GLI3: variants seen among roughly 807,000 people sequenced by gnomAD.
The protein encoded by GLI3 is transcription activator GLI3.
Under a neutral mutation model 100.8 loss-of-function variants are expected in GLI3, and 20 were observed. The ratio of observed to expected loss-of-function variants is 0.20; its 90% CI spans 0.14 to 0.29. The LOEUF is 0.29. Ranked by LOEUF, GLI3 falls within the 10% of genes least tolerant of loss-of-function variation. The probability of loss-of-function intolerance (pLI) is 1.00; values close to 1 mark genes in which losing one functional copy is unlikely to be tolerated. For missense variants in GLI3, 2,040 were observed against 2,128.5 expected, an observed-to-expected ratio of 0.96 and a Z score of 0.82; for synonymous variants, 938 against 860.5, an observed-to-expected ratio of 1.09 and a Z score of -1.58.
chr7:42,106,913 G>A (rs1196788485), intron 3 of GLI3, among the ~76,000 whole-genome samples: 2 of 152,106 alleles, frequency 1.3e-5, no homozygotes, highest in African/African-American at 4.8e-5. Context: ...TTGGAGGGGA[G>A]GGGGCGGTGG....
intron 3 of GLI3, among the ~76,000 whole-genome samples, chr7:42,104,694 T>C (rs931244835): frequency 6.6e-6 from 1 of 152,186 alleles, no homozygotes; most frequent in Non-Finnish European, 1.5e-5. Flanking sequence ...AATTCACATA[T>C]TGAACTCTAA....
chr7:42,254,328 G>T (rs1789064135), intron 1 of GLI3, among the ~76,000 whole-genome samples: 1 of 152,152 alleles, frequency 6.6e-6, no homozygotes, highest in South Asian at 2.1e-4. Context: ...TGGGCGGAAT[G>T]CAGGTGAAGG....
At chr7:41,992,187 C>T (rs1468503610) in intron 10 of GLI3, among the ~76,000 whole-genome samples, 1 of 152,114 alleles carries the variant, frequency 6.6e-6, no homozygotes, top group Non-Finnish European at 1.5e-5. Flanking sequence ...AAAGCTGTGA[C>T]CTTGAACTAC....
rs1785474024 is a variant in GLI3, at chr7:42,101,970, A to C, written c.368-25113T>G. 2.0e-5 allele frequency among the ~76,000 whole-genome samples: 3 copies of C among 151,228 alleles called. No homozygotes were observed. In the East Asian group the frequency reaches 5.8e-4, roughly 29 times the overall value. On this transcript the variant is annotated intron_variant, in intron 3 of 14. Transcript: ENST00000395925. The stretch of plus-strand genomic sequence containing the variant: ...TTGTTCTTGCAATAGTTTACTGAGA[A>C]TGATGGTTTCCAATTTCATCCATGT...
At chr7:42,085,926 G>C (rs571089746) in intron 3 of GLI3, among the ~76,000 whole-genome samples, 1 of 152,250 alleles carries the variant, frequency 6.6e-6, no homozygotes, top group South Asian at 2.1e-4. Context: ...GTGCTGGTTG[G>C]CAACTTTGTA....
chr7:41,970,156 C>A (rs1583738660), intron 13 of GLI3, among the ~76,000 whole-genome samples: 1 of 152,142 alleles, frequency 6.6e-6, no homozygotes, highest in African/African-American at 2.4e-5. Flanking sequence ...AATTCCCTCA[C>A]CTTATTACCC....
chr7:42,059,566 T>C (rs980361329), intron 4 of GLI3, among the ~76,000 whole-genome samples: 4 of 152,166 alleles, frequency 2.6e-5, no homozygotes, highest in African/African-American at 4.8e-5. Flanking sequence ...ATCTTTACAA[T>C]GTCCACAGAA....
intron 3 of GLI3, among the ~76,000 whole-genome samples, chr7:42,085,475 C>A (rs1785084564): frequency 6.6e-6 from 1 of 152,114 alleles, no homozygotes; most frequent in Non-Finnish European, 1.5e-5. Flanking sequence ...TATTATTCTC[C>A]TAAGTCTTGT....
intron 3 of GLI3, among the ~76,000 whole-genome samples, chr7:42,078,993 T>C (rs4724092): frequency 0.28 from 42,288 of 152,044 alleles, 7,473 homozygotes; most frequent in East Asian, 0.53. Flanking sequence ...CCTCCCAAAG[T>C]GCTGGGATTA....
At chr7:42,183,562 C>A (rs1050664871) in intron 2 of GLI3, among the ~76,000 whole-genome samples, 1 of 152,172 alleles carries the variant, frequency 6.6e-6, no homozygotes, top group Non-Finnish European at 1.5e-5. Flanking sequence ...AAATCCATGC[C>A]CCTTACAGGA....
At chr7:41,975,379 T>C (rs923062847) in intron 12 of GLI3, among the ~76,000 whole-genome samples, 1 of 152,200 alleles carries the variant, frequency 6.6e-6, no homozygotes, top group Non-Finnish European at 1.5e-5. Context: ...GATTGTGAAA[T>C]TGCACAAATC....
intron 2 of GLI3, among the ~76,000 whole-genome samples, chr7:42,202,374 A>G (rs1477770537): frequency 2.0e-5 from 3 of 149,240 alleles, no homozygotes; most frequent in Non-Finnish European, 4.5e-5. Flanking sequence ...ACACACACAC[A>G]CACACACACT....
chr7:42,010,268 T>C (rs1288993425), intron 10 of GLI3, among the ~76,000 whole-genome samples: 1 of 152,230 alleles, frequency 6.6e-6, no homozygotes, highest in African/African-American at 2.4e-5. Flanking sequence ...AAGCCTCATC[T>C]CTGCCTCTCT....
In GLI3 at chr7:42,054,558, T is replaced by G. The variant is rs552708931; in HGVS notation, c.474-5862A>C. On this transcript the variant is annotated intron_variant, in intron 4 of 14. Coordinates refer to ENST00000395925, the MANE Select transcript of GLI3 (RefSeq NM_000168.6). ...TTTTTGTTTTTTTAAATATAACAAG[T>G]AGACATCCTTCTTCATATTCAAGCA... Among the ~76,000 whole-genome samples, 159 of 152,314 alleles carry G rather than the reference T, an allele frequency of 1.0e-3. 1 individual carries two copies. The highest frequency in any genetic ancestry group is 2.0e-3 in the Non-Finnish European group (137 of 68,028).
intron 3 of GLI3, among the ~76,000 whole-genome samples, chr7:42,122,879 G>C (rs1786036091): frequency 6.6e-6 from 1 of 152,160 alleles, no homozygotes; most frequent in Admixed American, 6.5e-5. Flanking sequence ...ATTGAATGCA[G>C]AATATTTTTA....
rs533150544 is a variant in GLI3, at chr7:42,114,797, G to C, written c.367+33429C>G. On this transcript the variant is annotated intron_variant, in intron 3 of 14. Transcript: ENST00000395925. ...GCTCACTGCAACCTCCGCCTCCCAG[G>C]TTCAAGCGATTCTCCTGCCTCAGCC... Among the ~76,000 whole-genome samples, 12 of 152,172 alleles carry C rather than the reference G, an allele frequency of 7.9e-5. No individual in the cohort carries two copies. In the South Asian group the frequency reaches 2.5e-3, roughly 32 times the overall value.
At chr7:42,143,902 C>G (rs1786633871) in intron 3 of GLI3, among the ~76,000 whole-genome samples, 1 of 152,134 alleles carries the variant, frequency 6.6e-6, no homozygotes, top group Non-Finnish European at 1.5e-5. Flanking sequence ...TTTTAAAAAG[C>G]AGGCATCTTT....
chr7:42,115,575 G>A (rs890698398), intron 3 of GLI3, among the ~76,000 whole-genome samples: 1 of 152,140 alleles, frequency 6.6e-6, no homozygotes, highest in Non-Finnish European at 1.5e-5. Flanking sequence ...AACTCTGTCA[G>A]GCCCCCGGGC....
At chr7:42,170,353 G>A (rs952691983) in intron 2 of GLI3, among the ~76,000 whole-genome samples, 5 of 138,604 alleles carry the variant, frequency 3.6e-5, no homozygotes, top group Non-Finnish European at 7.8e-5. Flanking sequence ...TATCAGGGCT[G>A]TTTCAAACTT....
Sources: gnomAD v4.1 joint callset for allele counts (sites outside exome capture counted in the v4.1 genomes callset) on GRCh38, gnomAD v4.1.1 for gene constraint, MANE v1.5 for transcripts, NCBI Gene and HGNC (gene_info 2026-07-23, HGNC 2026-07-21) for gene names.